LAMC3: variants seen among roughly 807,000 people sequenced by gnomAD.
The protein encoded by LAMC3 is laminin subunit gamma 3.
LAMC3 carries 128 observed loss-of-function variants against 173.8 expected under a neutral mutation model. That is an observed-to-expected ratio of 0.74 (90% confidence interval 0.64 to 0.85). The LOEUF (loss-of-function observed/expected upper bound fraction) is 0.85, where lower values mean the gene tolerates loss of function less well. LAMC3 is among the 40% of genes least tolerant of loss of function. LAMC3 has a pLI of 0.00. For synonymous variants in LAMC3, 897 were observed against 909.1 expected, an observed-to-expected ratio of 0.99 and a Z score of 0.24; for missense variants, 2,022 against 2,156.0, an observed-to-expected ratio of 0.94 and a Z score of 1.23.
chr9:131,046,036 G>C (rs564706096), intron 8 of LAMC3, among the ~76,000 whole-genome samples: 1 of 152,342 alleles, frequency 6.6e-6, no homozygotes, highest in African/African-American at 2.4e-5. Flanking sequence ...CTGTTTGCCA[G>C]GCACTGTGCT....
chr9:131,069,120 G>A (rs543252608), intron 16 of LAMC3, 70 bp downstream of exon 16: 6 of 1,553,900 alleles, frequency 3.9e-6, no homozygotes, highest in South Asian at 2.2e-5. Flanking sequence ...AGAGATGACT[G>A]ATGGGGAAAA....
intron 13 of LAMC3, among the ~76,000 whole-genome samples, chr9:131,062,293 G>A (rs1340790884): frequency 1.3e-5 from 2 of 151,972 alleles, no homozygotes; most frequent in Non-Finnish European, 2.9e-5. Context: ...CCCAGGAGGC[G>A]GAGGTTGCAG....
intron 9 of LAMC3, among the ~76,000 whole-genome samples, chr9:131,050,970 C>T (rs1159067063): frequency 6.6e-6 from 1 of 152,124 alleles, no homozygotes; most frequent in Non-Finnish European, 1.5e-5. Context: ...GAGGCCGAAT[C>T]GGAGTGCAGC....
chr9:131,075,371 C>T (rs12378817), intron 20 of LAMC3, among the ~76,000 whole-genome samples: 50,443 of 151,862 alleles, frequency 0.33, 8,600 homozygotes, highest in Non-Finnish European at 0.37. Context: ...GACAGGAGGT[C>T]GAGACCAGCC....
Position 131,079,413 on chromosome 9 carries a change from G to A in LAMC3, c.3927+115G>A, listed in dbSNP as rs534990190. On this transcript the variant is annotated intron_variant, in intron 23 of 27. Transcript: ENST00000361069. ...GGCAGAGACAGAAGTAGCTCTGTCC[G>A]GCCGGGTGTAGTGGCTCACACCTGT... 1.4e-5 allele frequency: 19 copies of A among 1,310,654 alleles called. No homozygotes were observed. The East Asian group carries it at 2.5e-4, about 17-fold the overall frequency. 81.2% of individuals were successfully genotyped at this position (1,310,654 alleles called of 1,614,324 possible).
chr9:131,031,005 G>A (rs1219914679), intron 2 of LAMC3, among the ~76,000 whole-genome samples: 2 of 152,254 alleles, frequency 1.3e-5, no homozygotes, highest in African/African-American at 4.8e-5. Flanking sequence ...TTGGTGCAGA[G>A]GCTCCCACTT....
Position 131,072,800 on chromosome 9 carries a change from G to T in LAMC3, c.3382G>T (p.Glu1128Ter). ...GGCAGTGCTGGAGTCCTCGGAAGAG[G>T]AGATTCTGCATGCAGCTGCCATTCT... ...LEAVLESSEE[E>*]ILHAAAILAS... The change falls in exon 19 of 28, where the codon GAG becomes TAG. Residue 1128 changes from glutamate to a stop codon, truncating the protein, a stop_gained. Coordinates refer to ENST00000361069, the MANE Select transcript of LAMC3 (RefSeq NM_006059.4). LOFTEE classifies it high-confidence loss of function. The T allele has an allele frequency of 6.2e-7, 1 of 1,613,136 alleles. No homozygotes were observed. Among genetic ancestry groups the T allele is most frequent in the Non-Finnish European group, 8.5e-7 (1 of 1,179,702 alleles).
chr9:131,070,483 C>T (rs1043751142), intron 17 of LAMC3, among the ~76,000 whole-genome samples: 10 of 152,162 alleles, frequency 6.6e-5, no homozygotes, highest in East Asian at 5.8e-4. Context: ...GAGGCTGAGG[C>T]GGGCAGATCG....
chr9:131,079,084 A>T (rs999480587), intron 22 of LAMC3, 65 bp from the exon 23 acceptor site: 19 of 1,571,600 alleles, frequency 1.2e-5, no homozygotes, highest in Non-Finnish European at 1.6e-5. Context: ...CACCTCCCCC[A>T]AGGAGAGGAT....
chr9:131,042,914 C>T lies in LAMC3; in HGVS notation c.1382+1179C>T, dbSNP rs567837365. Among the ~76,000 whole-genome samples the T allele has an allele frequency of 2.0e-5, 3 of 151,618 alleles. No homozygotes were observed. The South Asian group carries it at 6.3e-4, about 32-fold the overall frequency. ...CCCACAGCAGACATCACTAATGGAGCACCATCAACTCTCCCCTTTCACACC... is the reference window on the plus strand; with the variant it reads ...CCCACAGCAGACATCACTAATGGAGTACCATCAACTCTCCCCTTTCACACC... On this transcript the variant is annotated intron_variant, in intron 7 of 27. Transcript: ENST00000361069.
At chr9:131,050,192 G>A (rs895487549) in intron 9 of LAMC3, among the ~76,000 whole-genome samples, 3 of 152,278 alleles carry the variant, frequency 2.0e-5, no homozygotes, top group African/African-American at 7.2e-5. Flanking sequence ...CTTGCTGGGT[G>A]TTGGGCACAC....
chr9:131,018,140 T>TC, intron 1 of LAMC3, among the ~76,000 whole-genome samples: 1 of 151,886 alleles, frequency 6.6e-6, no homozygotes, highest in East Asian at 1.9e-4. Context: ...CAAGATCTTT[T>TC]TTTTTTTTTT....
chr9:131,036,316 T>C lies in LAMC3; in HGVS notation c.960T>C (p.Ala320=). ...DRPWARGTAE[A]AHECLPCNCS... ...CGTGGGCCCGGGGCACCGCCGAGGCTGCCCACGAGTGTCTGCGTGAGTGTC... is the reference window on the plus strand; with the variant it reads ...CGTGGGCCCGGGGCACCGCCGAGGCCGCCCACGAGTGTCTGCGTGAGTGTC... Residue 320 remains alanine, a synonymous_variant, in exon 4 of 28, where the codon GCT becomes GCC. Coordinates refer to ENST00000361069, the MANE Select transcript of LAMC3 (RefSeq NM_006059.4). 1 of 1,612,926 alleles carries C rather than the reference T, an allele frequency of 6.2e-7. No homozygotes were observed. The highest frequency in any genetic ancestry group is 8.5e-7 in the Non-Finnish European group (1 of 1,179,702).
rs143428790 is a variant in LAMC3, at chr9:131,013,461, ACTT to A, written c.373+3881_373+3883del. Among the ~76,000 whole-genome samples, 292 of 152,046 alleles carry A rather than the reference ACTT, an allele frequency of 1.9e-3. 1 individual carries two copies. Among genetic ancestry groups the A allele is most frequent in the African/African-American group, 6.7e-3 (277 of 41,486 alleles). ...TCCCGGATGTCCCTGCATGGAGTTG[ACTT>A]CTTCTTGCTTTCATTTAGCCGTTTG... is the stretch of plus-strand genomic sequence containing the variant. On this transcript the variant is annotated intron_variant, in intron 1 of 27. Transcript: ENST00000361069.
intron 13 of LAMC3, among the ~76,000 whole-genome samples, chr9:131,065,546 G>T (rs1588160102): frequency 6.6e-6 from 1 of 152,302 alleles, no homozygotes; most frequent in East Asian, 1.9e-4. Flanking sequence ...TGAGGAAGAA[G>T]AGAGTGATCA....
chr9:131,075,778 G>A, intron 20 of LAMC3, 53 bp from the exon 21 acceptor site: 1 of 1,570,026 alleles, frequency 6.4e-7, no homozygotes, highest in East Asian at 2.3e-5. Context: ...TTCTGATCCT[G>A]GGCCCCTTCC....
chr9:131,077,737 G>T (rs752300022), intron 22 of LAMC3, among the ~76,000 whole-genome samples: 1 of 148,658 alleles, frequency 6.7e-6, no homozygotes, highest in Non-Finnish European at 1.5e-5. Flanking sequence ...TGGAGAAACC[G>T]GTGGGGCCCA....
chr9:131,068,318 G>A (rs1829977695), intron 15 of LAMC3, 87 bp downstream of exon 15: 6 of 1,412,144 alleles, frequency 4.2e-6, no homozygotes, highest in Non-Finnish European at 5.8e-6. Context: ...GGCCTGGTTT[G>A]GAAGGTGTTG....
intron 17 of LAMC3, among the ~76,000 whole-genome samples, chr9:131,070,374 T>A (rs1267453942): frequency 6.6e-6 from 1 of 152,140 alleles, no homozygotes; most frequent in Admixed American, 6.5e-5. Flanking sequence ...TAGAAACCAG[T>A]GGGGCCAGCT....
Sources: allele counts gnomAD v4.1 joint callset (sites outside exome capture counted in the v4.1 genomes callset), GRCh38; gene constraint gnomAD v4.1.1; transcripts MANE v1.5; gene names NCBI Gene and HGNC (gene_info 2026-07-23, HGNC 2026-07-21).